MED19: variants seen among roughly 807,000 people sequenced by gnomAD.
MED19 encodes the protein mediator complex subunit 19, also known as mediator of RNA polymerase II transcription subunit 19.
Under a neutral mutation model 19.9 loss-of-function variants are expected in MED19, and 4 were observed. The observed-to-expected ratio is 0.20, with a 90% CI of 0.10 to 0.46. The LOEUF (loss-of-function observed/expected upper bound fraction) is 0.46, where lower values mean the gene tolerates loss of function less well. Among genes scored for constraint, MED19 ranks in the 20% least tolerant of loss-of-function variants. The probability of loss-of-function intolerance (pLI) is 0.99; values close to 1 mark genes in which losing one functional copy is unlikely to be tolerated. For synonymous variants in MED19, 139 were observed against 119.6 expected (o/e 1.16, Z -1.06); for missense variants, 303 against 318.7 (o/e 0.95, Z 0.38).
intron 1 of MED19, among the ~76,000 whole-genome samples, 189 bp downstream of exon 1, chr11:57,711,774 A>C (rs998560142): frequency 6.6e-6 from 1 of 152,110 alleles, no homozygotes; most frequent in Non-Finnish European, 1.5e-5. Flanking sequence ...GGTTGAATTC[A>C]ACTCATCCTG....
intron 1 of MED19, among the ~76,000 whole-genome samples, chr11:57,705,960 A>T (rs752609395): frequency 6.6e-6 from 1 of 152,122 alleles, no homozygotes; most frequent in East Asian, 1.9e-4. Flanking sequence ...CAGGGGGCCA[A>T]ATATGACCCA....
At chr11:57,709,594 A>C (rs1946541513) in intron 1 of MED19, among the ~76,000 whole-genome samples, 1 of 152,136 alleles carries the variant, frequency 6.6e-6, no homozygotes, top group Non-Finnish European at 1.5e-5. Flanking sequence ...GTCTTCCTCT[A>C]TCATCCAAGC....
exon 5 of MED19, chr11:57,704,002 G>T: frequency 6.5e-7 from 1 of 1,535,322 alleles, no homozygotes; most frequent in Non-Finnish European, 8.7e-7. Context: ...CAGTACAGCA[G>T]GAAAAGCCAT....
At chr11:57,710,307 A>G (rs767290857) in intron 1 of MED19, among the ~76,000 whole-genome samples, 3 of 152,218 alleles carry the variant, frequency 2.0e-5, no homozygotes, top group Admixed American at 6.5e-5. Flanking sequence ...GGTTACAGTG[A>G]GCTATGATTA....
intron 1 of MED19, among the ~76,000 whole-genome samples, chr11:57,706,072 C>T (rs1372387397): frequency 1.3e-5 from 2 of 151,952 alleles, no homozygotes; most frequent in African/African-American, 2.4e-5. Flanking sequence ...TTTCTAGCTA[C>T]CACTGCCTAA....
At chr11:57,704,530 G>A (rs1946484083) in intron 3 of MED19, 134 bp from the exon 4 acceptor site, 1 of 1,584,020 alleles carries the variant, frequency 6.3e-7, no homozygotes, top group Non-Finnish European at 8.5e-7. Flanking sequence ...ATACAGAGGT[G>A]CTGCTAGAGT....
exon 3 of MED19, chr11:57,704,779 G>A (rs1946488566): frequency 6.2e-7 from 1 of 1,613,010 alleles, no homozygotes; most frequent in African/African-American, 1.3e-5. Context: ...TTCTTCTTGG[G>A]AGGCTGAATA....
chr11:57,708,920 AT>A (rs1946534449), intron 1 of MED19, among the ~76,000 whole-genome samples: 1 of 152,228 alleles, frequency 6.6e-6, no homozygotes, highest in African/African-American at 2.4e-5. Context: ...AGTTTTTTCA[AT>A]TATAAAATGT....
At position 57,704,126 on chromosome 11, in the gene MED19, G is replaced by T. The variant is rs958423939; in HGVS notation, c.667-20C>A. Reference sequence around the variant, plus strand: ...TCGATTCTGGGGGAGAAAGAAGCAGGGTAAGAACAACTAGGAACTAGCCTT... The same window carrying T: ...TCGATTCTGGGGGAGAAAGAAGCAGTGTAAGAACAACTAGGAACTAGCCTT... On this transcript the variant is annotated intron_variant, in intron 4 of 4. Coordinates refer to ENST00000431606, the Ensembl canonical transcript of MED19. The T allele has an allele frequency of 1.3e-6, 2 of 1,536,122 alleles. No individual in the cohort carries two copies. Among genetic ancestry groups the T allele is most frequent in the Non-Finnish European group, 1.7e-6 (2 of 1,146,906 alleles).
At chr11:57,704,735 C>T in exon 3 of MED19, 1 of 1,575,794 alleles carries the variant, frequency 6.3e-7, no homozygotes, top group Non-Finnish European at 8.6e-7. Context: ...GGACAGGATC[C>T]TGGGTACGGC....
chr11:57,705,971 G>A (rs1388929596), intron 1 of MED19, among the ~76,000 whole-genome samples: 2 of 151,886 alleles, frequency 1.3e-5, no homozygotes, highest in Non-Finnish European at 2.9e-5. Context: ...ATATGACCCA[G>A]TGACTTAAGG....
At chr11:57,703,929 C>G in exon 5 of MED19, 1 of 1,457,388 alleles carries the variant, frequency 6.9e-7, no homozygotes, top group Non-Finnish European at 9.0e-7. Context: ...GCCTCTGTCC[C>G]AGCTGCAGGA....
intron 3 of MED19, 53 bp from the exon 4 acceptor site, chr11:57,704,449 T>TAG: frequency 6.6e-7 from 1 of 1,517,412 alleles, no homozygotes; most frequent in Non-Finnish European, 8.8e-7. Context: ...TCCTCTACTG[T>TAG]TATGAACCAC....
At chr11:57,703,724 G>T (rs1946475107) in exon 5 of MED19, 1 of 288,296 alleles carries the variant, frequency 3.5e-6, no homozygotes, top group Non-Finnish European at 6.4e-6. Flanking sequence ...TTTGATAAAT[G>T]TAATTTTTTT....
At chr11:57,703,947 A>G (rs1946477875) in exon 5 of MED19, 3 of 1,503,530 alleles carry the variant, frequency 2.0e-6, no homozygotes, top group Non-Finnish European at 2.7e-6. Flanking sequence ...GGATGCTCCC[A>G]AGGCAGTGTC....
chr11:57,705,471 G>A (rs1946498197), intron 1 of MED19, among the ~76,000 whole-genome samples: 3 of 151,948 alleles, frequency 2.0e-5, no homozygotes, highest in African/African-American at 4.8e-5. Flanking sequence ...CTAACAACAC[G>A]GTGAAACTCC....
rs891812848 is a variant in MED19 at position 57,706,719 on chromosome 11, T to A, written c.218-1490A>T. On this transcript the variant is annotated intron_variant, in intron 1 of 4. Transcript: ENST00000431606. ...CTGCACTCCAGTTTGGGTGAGAGAG[T>A]GAGACCCTGTCTCAAAAAAAACAAA... 9.2e-5 allele frequency among the ~76,000 whole-genome samples: 14 copies of A among 151,804 alleles called. 1 individual carries two copies. The highest frequency in any genetic ancestry group is 6.8e-3 in the Middle Eastern group (2 of 294).
At position 57,704,203 on chromosome 11, in the gene MED19, A is replaced by G. The variant is rs149429767; in HGVS notation, c.667-97T>C. ...ACCTGCAACCTGCCTTGGGTTTTCA[A>G]TCTTGGGTCCAACTTGAGGCAAAGA... On this transcript the variant is annotated intron_variant, in intron 4 of 4. Coordinates refer to ENST00000431606, the Ensembl canonical transcript of MED19. 5.7e-4 allele frequency: 872 copies of G among 1,526,596 alleles called. 3 individuals are homozygous for G. Among genetic ancestry groups the G allele is most frequent in the Middle Eastern group, 2.9e-3 (17 of 5,902 alleles). The allele number at this position is 1,526,596 out of a possible 1,614,324, so 94.6% of individuals were successfully genotyped here.
chr11:57,704,212 C>A, intron 4 of MED19, 90 bp downstream of exon 4: 1 of 1,525,648 alleles, frequency 6.6e-7, no homozygotes, highest in Non-Finnish European at 8.8e-7. Flanking sequence ...AATCTTGGGT[C>A]CAACTTGAGG....
Sources: allele counts gnomAD v4.1 joint callset (sites outside exome capture counted in the v4.1 genomes callset), GRCh38; gene constraint gnomAD v4.1.1; transcripts MANE v1.5; gene names NCBI Gene and HGNC (gene_info 2026-07-23, HGNC 2026-07-21).